NDUFA3: variants seen among roughly 807,000 people sequenced by gnomAD.
NDUFA3 encodes NADH:ubiquinone oxidoreductase subunit A3, also known as NADH dehydrogenase [ubiquinone] 1 alpha subcomplex subunit 3.
NDUFA3 carries 10 observed loss-of-function variants against 11.4 expected under a neutral mutation model. The ratio of observed to expected loss-of-function variants is 0.87; its 90% CI spans 0.54 to 1.48. The LOEUF (loss-of-function observed/expected upper bound fraction) is 1.48, where lower values mean the gene tolerates loss of function less well. NDUFA3 is among the 40% of genes most tolerant of loss of function. The pLI is 0.00. For missense variants in NDUFA3, 115 were observed against 110.5 expected, an observed-to-expected ratio of 1.04 and a Z score of -0.18; for synonymous variants, 39 against 46.9, an observed-to-expected ratio of 0.83 and a Z score of 0.68.
intron 2 of NDUFA3, chr19:54,105,724 C>T (rs1208742245): frequency 3.0e-6 from 2 of 671,770 alleles, no homozygotes; most frequent in African/African-American, 3.6e-5. Context: ...GGCTCCAACC[C>T]CTACCTCCAC....
Position 54,105,925 on chromosome 19 carries a change from T to A in NDUFA3, c.86-9T>A. 1.2e-6 allele frequency: 2 copies of A among 1,608,942 alleles called. No homozygotes were observed. The highest frequency in any genetic ancestry group is 1.7e-6 in the Non-Finnish European group (2 of 1,175,478). ...TTCCCCTGGGCCTCACCCCTGTGTC[T>A]CTCCACAGCTGTAATTCTGCCCCCA... On this transcript the variant is annotated splice_polypyrimidine_tract_variant and intron_variant, in intron 2 of 3. Transcript: ENST00000485876.
rs587602210 is a variant in NDUFA3 at position 54,106,343 on chromosome 19, A to AT, written c.163+339dup. 217 of 393,826 alleles carry AT rather than the reference A, an allele frequency of 5.5e-4. 4 individuals carry two copies. Among genetic ancestry groups the AT allele is most frequent in the South Asian group, 5.3e-3 (194 of 36,716 alleles). The allele number at this position is 393,826 out of a possible 1,614,324, so 24.4% of individuals were successfully genotyped here. On this transcript the variant is annotated intron_variant, in intron 3 of 3. Coordinates refer to ENST00000485876, the MANE Select transcript of NDUFA3 (RefSeq NM_004542.4). ...CACCACGACACGCAAACTTTTTCGT[A>AT]TTTTTTTAGTAGAGGCGGGGTTTCA...
Position 54,103,187 on chromosome 19 carries a change from C to T in NDUFA3, c.84C>T (p.Leu28=), listed in dbSNP as rs1360697673. 7 of 1,595,290 alleles carry T rather than the reference C, an allele frequency of 4.4e-6. No individual in the cohort carries two copies. Among genetic ancestry groups the T allele is most frequent in the Non-Finnish European group, 6.0e-6 (7 of 1,167,856 alleles). ...VLVVSFVVGG[L]AVILPPLSPY... ...TCGTGTCCTTCGTCGTCGGGGGCCT[C>T]GGTGCGTGAGTGCTCCAGGCGCAAA... The change falls in exon 2 of 4, where the codon CTC becomes CTT. Residue 28 remains leucine, a splice_region_variant and synonymous_variant. Transcript: ENST00000485876.
In NDUFA3 at chr19:54,107,053, G is replaced by C. The variant is rs769926922; in HGVS notation, c.*151G>C. ...GGGTCAGTTTATTGGGCATGCGTCA[G>C]TCAGAGGCTGGGCTGGCCAGGGTCG... On this transcript the variant is annotated 3_prime_UTR_variant, in exon 4 of 4. Transcript: ENST00000485876. 6.2e-7 allele frequency: 1 copy of C among 1,613,638 alleles called. No individual in the cohort carries two copies. Among genetic ancestry groups the C allele is most frequent in the Non-Finnish European group, 8.5e-7 (1 of 1,179,890 alleles).
At chr19:54,103,021 A>C in intron 1 of NDUFA3, 93 bp from the exon 2 acceptor site, 1 of 1,538,072 alleles carries the variant, frequency 6.5e-7, no homozygotes, top group Non-Finnish European at 8.9e-7. Flanking sequence ...AGAAGTCACG[A>C]GGGGGCTCCT....
At chr19:54,105,615 C>T (rs2073233800) in intron 2 of NDUFA3, 3 of 594,798 alleles carry the variant, frequency 5.0e-6, no homozygotes, top group African/African-American at 3.7e-5. Context: ...CATGACACTA[C>T]CCCCAGGATG....
At position 54,106,920 on chromosome 19, in the gene NDUFA3, G is replaced by A. The variant is rs1317063812; in HGVS notation, c.*18G>A. The A allele has an allele frequency of 1.9e-6, 3 of 1,607,660 alleles. No individual in the cohort carries two copies. Among genetic ancestry groups the A allele is most frequent in the Admixed American group, 3.4e-5 (2 of 58,302 alleles). On this transcript the variant is annotated 3_prime_UTR_variant, in exon 4 of 4. Transcript: ENST00000485876. ...AACTGTGAGCACCTCCACTGACAGA[G>A]GCGGCCCCTCCCACGGCTCCCAATA...
At chr19:54,104,246 T>A (rs1405906302) in intron 2 of NDUFA3, among the ~76,000 whole-genome samples, 1 of 150,014 alleles carries the variant, frequency 6.7e-6, no homozygotes, top group Non-Finnish European at 1.5e-5. Context: ...CAAGTGATTC[T>A]CCTGCCTCCG....
Position 54,105,917 on chromosome 19 carries a change from CCT to C in NDUFA3, c.86-16_86-15del, listed in dbSNP as rs587717768. 201 of 1,602,202 alleles carry C rather than the reference CCT, an allele frequency of 1.3e-4. 1 individual carries two copies. The African/African-American group carries it at 1.5e-3, about 12-fold the overall frequency. On this transcript the variant is annotated splice_polypyrimidine_tract_variant and intron_variant, in intron 2 of 3. Transcript: ENST00000485876. ...GAGCCACCTTCCCCTGGGCCTCACC[CCT>C]GTGTCTCTCCACAGCTGTAATTCTG...
chr19:54,104,728 GT>G (rs201417446), intron 2 of NDUFA3, among the ~76,000 whole-genome samples: 1 of 112,262 alleles, frequency 8.9e-6, no homozygotes, highest in South Asian at 2.8e-4. Context: ...ATGTACTATG[GT>G]TTTTTTTGTT....
chr19:54,103,053 A>G, intron 1 of NDUFA3, 61 bp from the exon 2 acceptor site: 2 of 1,576,084 alleles, frequency 1.3e-6, no homozygotes, highest in Non-Finnish European at 1.7e-6. Flanking sequence ...GTGGCACGAG[A>G]GGGTTAGAGG....
chr19:54,103,644 C>T (rs973548679), intron 2 of NDUFA3, among the ~76,000 whole-genome samples: 1 of 151,904 alleles, frequency 6.6e-6, no homozygotes, highest in African/African-American at 2.4e-5. Flanking sequence ...TAATTAGCAC[C>T]GGAGTTCCTG....
In NDUFA3 at chr19:54,106,614, C is replaced by T. The variant is rs1357137244; in HGVS notation, c.164-197C>T. On this transcript the variant is annotated intron_variant, in intron 3 of 3. Coordinates refer to ENST00000485876, the MANE Select transcript of NDUFA3 (RefSeq NM_004542.4). ...TAGCTCTCTAGTGCGCGGGATCTCT[C>T]CCTCGCTATCTCTCTGGTTTTCCGT... The T allele has an allele frequency of 5.9e-6, 3 of 506,670 alleles. No homozygotes were observed. In the Admixed American group the frequency reaches 1.1e-4, roughly 19 times the overall value. 31.4% of individuals were successfully genotyped at this position (506,670 alleles called of 1,614,324 possible).
At chr19:54,103,216 G>T (rs776984030) in intron 2 of NDUFA3, 28 bp downstream of exon 2, 5 of 1,569,498 alleles carry the variant, frequency 3.2e-6, no homozygotes, top group African/African-American at 1.4e-5. Context: ...GCGCAAACTT[G>T]CATCGTCCAC....
intron 2 of NDUFA3, among the ~76,000 whole-genome samples, chr19:54,103,980 C>G (rs1442157381): frequency 6.6e-6 from 1 of 150,694 alleles, no homozygotes; most frequent in African/African-American, 2.4e-5. Flanking sequence ...ACTACAGGCG[C>G]CCGCCCCCAT....
intron 2 of NDUFA3, among the ~76,000 whole-genome samples, chr19:54,104,139 T>C (rs2073184553): frequency 6.9e-6 from 1 of 143,972 alleles, no homozygotes; most frequent in Admixed American, 6.9e-5. Flanking sequence ...GGCCAGCTTT[T>C]TTTTTTTTTT....
In NDUFA3 at chr19:54,105,573, T is replaced by C. The variant is rs766215182; in HGVS notation, c.86-361T>C. 3.7e-5 allele frequency: 17 copies of C among 464,868 alleles called. No individual in the cohort carries two copies. In the Middle Eastern group the frequency reaches 2.9e-3, roughly 78 times the overall value. The allele number at this position is 464,868 out of a possible 1,614,324, so 28.8% of individuals were successfully genotyped here. On this transcript the variant is annotated intron_variant, in intron 2 of 3. Transcript: ENST00000485876. ...CTTGAGCCACTGTGCCCGGCCAAAT[T>C]TGTAACAGTCTTGATTTCTCCAGAA...
intron 2 of NDUFA3, among the ~76,000 whole-genome samples, chr19:54,103,957 C>T (rs1337774344): frequency 6.6e-6 from 1 of 152,190 alleles, no homozygotes; most frequent in South Asian, 2.1e-4. Context: ...CCTCAGCCTC[C>T]CGAGTAGCTG....
intron 2 of NDUFA3, among the ~76,000 whole-genome samples, chr19:54,104,155 T>G (rs1405809005): frequency 4.5e-5 from 3 of 67,130 alleles, no homozygotes; most frequent in Admixed American, 2.9e-4. Context: ...TTTTTTTTTT[T>G]GAGATGGCGT....
Sources: allele counts gnomAD v4.1 joint callset (sites outside exome capture counted in the v4.1 genomes callset), GRCh38; gene constraint gnomAD v4.1.1; transcripts MANE v1.5; gene names NCBI Gene and HGNC (gene_info 2026-07-23, HGNC 2026-07-21).